The following BBS2 variants were observed in gnomAD, a reference collection of about 807,000 sequenced individuals.
BBS2 encodes the protein BBSome complex member BBS2.
A neutral mutation model predicts 83.0 loss-of-function variants in BBS2; 62 were observed. The observed-to-expected ratio is 0.75, with a 90% confidence interval of 0.61 to 0.92. The LOEUF (loss-of-function observed/expected upper bound fraction) is 0.92, where lower values mean the gene tolerates loss of function less well. Among genes scored for constraint, BBS2 ranks in the 40% least tolerant of loss-of-function variants. BBS2 has a pLI of 0.00. For synonymous variants in BBS2, 303 were observed against 326.1 expected (o/e 0.93, Z 0.76); for missense variants, 784 against 901.0 (o/e 0.87, Z 1.66).
chr16:56,480,020 G>A (rs1460874232), downstream of BBS2, among the ~76,000 whole-genome samples: 1 of 152,172 alleles, frequency 6.6e-6, no homozygotes, highest in Admixed American at 6.5e-5. Flanking sequence ...GCCTTACAGA[G>A]ACTACTTCAC....
intron 12 of BBS2, chr16:56,499,458 C>G (rs545403915): frequency 2.8e-6 from 1 of 352,234 alleles, no homozygotes; most frequent in South Asian, 2.4e-5. Context: ...GTCCCACTCT[C>G]TTTTCATCTT....
intron 17 of BBS2, among the ~76,000 whole-genome samples, chr16:56,474,428 C>T (rs189278328): frequency 1.3e-5 from 2 of 151,208 alleles, no homozygotes; most frequent in Admixed American, 1.3e-4. Flanking sequence ...TCAAGCAACT[C>T]TCCTGCCTTA....
At chr16:56,497,941 A>G (rs1162010223) in intron 13 of BBS2, 61 bp from the exon 14 acceptor site, 2 of 1,559,826 alleles carry the variant, frequency 1.3e-6, no homozygotes, top group East Asian at 2.2e-5. Context: ...CTTAGCTAAA[A>G]TAGTACCTGA....
chr16:56,510,580 C>G (rs748518885), intron 4 of BBS2, among the ~76,000 whole-genome samples: 1 of 152,116 alleles, frequency 6.6e-6, no homozygotes, highest in African/African-American at 2.4e-5. Flanking sequence ...TTCATAAGAC[C>G]GTGAATATGA....
At chr16:56,476,281 C>A in intron 17 of BBS2, 1 of 1,370,544 alleles carries the variant, frequency 7.3e-7, no homozygotes, top group Non-Finnish European at 1.0e-6. Context: ...AGCATGGAGT[C>A]AAGGAGAACT....
chr16:56,519,633 G>A (rs1324229167), intron 1 of BBS2, 113 bp downstream of exon 1: 8 of 837,244 alleles, frequency 9.6e-6, no homozygotes, highest in South Asian at 1.5e-5. Flanking sequence ...ACCGGTTGCC[G>A]GGCAACACGG....
At chr16:56,519,476 GTC>G (rs1964854467) in intron 1 of BBS2, 4 of 467,848 alleles carry the variant, frequency 8.5e-6, no homozygotes, top group South Asian at 2.7e-5. Flanking sequence ...CTCAGGAGAC[GTC>G]TCTTTTCTAA....
chr16:56,485,800 T>G, intron 15 of BBS2, 62 bp from the exon 16 acceptor site: 3 of 1,554,596 alleles, frequency 1.9e-6, no homozygotes, highest in Non-Finnish European at 1.8e-6. Context: ...TAAGAAAAAC[T>G]TGCAAATTTC....
In BBS2 at chr16:56,484,708, G is replaced by A. The variant is rs1052406766; in HGVS notation, c.*53C>T. 3 of 1,523,940 alleles carry A rather than the reference G, an allele frequency of 2.0e-6. No homozygotes were observed. In the African/African-American group the frequency reaches 4.1e-5, roughly 21 times the overall value. The allele number at this position is 1,523,940 out of a possible 1,614,324, so 94.4% of individuals were successfully genotyped here. A position where few individuals can be genotyped will look rare whatever the true frequency, so the allele number is the denominator to read the frequency against. ...GTGTGATCCAAAGCAAACCAGCATA[G>A]GTTTTTAACAGAAAATCTTTGCCAG... On this transcript the variant is annotated 3_prime_UTR_variant, in exon 17 of 17. Coordinates refer to ENST00000245157, the MANE Select transcript of BBS2 (RefSeq NM_031885.5).
intron 17 of BBS2, among the ~76,000 whole-genome samples, chr16:56,474,288 T>A (rs990642973): frequency 9.2e-5 from 14 of 151,932 alleles, no homozygotes; most frequent in Non-Finnish European, 1.9e-4. Context: ...ATCTGAAATT[T>A]ATTATTATAG....
At chr16:56,480,854 A>C (rs117634520), downstream of BBS2, among the ~76,000 whole-genome samples, 1 of 152,166 alleles carries the variant, frequency 6.6e-6, no homozygotes, top group African/African-American at 2.4e-5. Context: ...CTGATGCAAA[A>C]TCAGTCCACA....
At chr16:56,488,561 C>G (rs991440046) in intron 15 of BBS2, among the ~76,000 whole-genome samples, 2 of 151,954 alleles carry the variant, frequency 1.3e-5, no homozygotes, top group Admixed American at 6.6e-5. Context: ...TCCATGCCCT[C>G]CCTAGGTGCA....
chr16:56,512,000 T>C (rs1567583444), intron 2 of BBS2, among the ~76,000 whole-genome samples: 1 of 152,018 alleles, frequency 6.6e-6, no homozygotes, highest in African/African-American at 2.4e-5. Context: ...TACAAATCAA[T>C]AATAAAGAGA....
At position 56,502,679 on chromosome 16, in the gene BBS2, C is replaced by T. The variant is rs1017191839; in HGVS notation, c.934G>A (p.Gly312Arg). 1 of 1,614,008 alleles carries T rather than the reference C, an allele frequency of 6.2e-7. No individual in the cohort carries two copies. Among genetic ancestry groups the T allele is most frequent in the African/African-American group, 1.3e-5 (1 of 74,904 alleles). Residue 312 changes from glycine (G) to arginine (R), a missense_variant, in exon 8 of 17, where the codon GGG becomes AGG. Gly to Arg is a moderately radical substitution (Grantham distance 125). Coordinates refer to ENST00000245157, the MANE Select transcript of BBS2 (RefSeq NM_031885.5). ...TTTTCTCATCCCAATTTACTTTCCC[C>T]ATCCACTGAGCAGCAGATTAACTGT... ...HIQLICCSVD[G>R]EIRGYLPGTA...
At chr16:56,502,120 C>T in intron 9 of BBS2, 197 bp downstream of exon 9, 1 of 750,244 alleles carries the variant, frequency 1.3e-6, no homozygotes, top group Non-Finnish European at 2.3e-6. Flanking sequence ...CTTAAACAAT[C>T]AGGAAAACAT....
rs143897999 is a variant in BBS2 at position 56,510,183 on chromosome 16, C to T, written c.535-149G>A. On this transcript the variant is annotated intron_variant, in intron 4 of 16. Transcript: ENST00000245157. Reference sequence around the variant, plus strand: ...TAATCGTTTGATGCTCAGAAATGCTCCCTCTAATGGGAGGATCAGCAGATT... The same window carrying T: ...TAATCGTTTGATGCTCAGAAATGCTTCCTCTAATGGGAGGATCAGCAGATT... 670 of 702,316 alleles carry T rather than the reference C, an allele frequency of 9.5e-4. 3 individuals are homozygous for T. The highest frequency in any genetic ancestry group is 1.4e-3 in the Non-Finnish European group (544 of 393,172). 43.5% of individuals were successfully genotyped at this position (702,316 alleles called of 1,614,324 possible). A position where few individuals can be genotyped will look rare whatever the true frequency, so the allele number is the denominator to read the frequency against.
At chr16:56,472,618 A>G (rs1963250817) in intron 17 of BBS2, among the ~76,000 whole-genome samples, 1 of 152,222 alleles carries the variant, frequency 6.6e-6, no homozygotes, top group African/African-American at 2.4e-5. Flanking sequence ...AAATACGTCA[A>G]TTTCAGAATG....
chr16:56,493,173 TC>T (rs1386112225), intron 15 of BBS2, among the ~76,000 whole-genome samples: 1 of 151,774 alleles, frequency 6.6e-6, no homozygotes, highest in Non-Finnish European at 1.5e-5. Context: ...GATCAGTAGA[TC>T]CCATGAGTTC....
intron 1 of BBS2, among the ~76,000 whole-genome samples, chr16:56,519,102 AG>A (rs1480791578): frequency 6.6e-6 from 1 of 152,090 alleles, no homozygotes; most frequent in Non-Finnish European, 1.5e-5. Context: ...AGGCCGAGGC[AG>A]GTAAATCACT....
Sources: allele counts gnomAD v4.1 joint callset (sites outside exome capture counted in the v4.1 genomes callset), GRCh38; gene constraint gnomAD v4.1.1; transcripts MANE v1.5; gene names NCBI Gene and HGNC (gene_info 2026-07-23, HGNC 2026-07-21).